LAMC1: variants seen among roughly 807,000 people sequenced by gnomAD.
LAMC1 encodes the protein laminin subunit gamma-1.
LAMC1 carries 38 observed loss-of-function variants against 173.6 expected under a neutral mutation model. That is an observed-to-expected ratio of 0.22 (90% CI 0.17 to 0.29). LAMC1 has a LOEUF of 0.29. Among genes scored for constraint, LAMC1 ranks in the 10% least tolerant of loss-of-function variants. The pLI is 1.00. For synonymous variants in LAMC1, 746 were observed against 749.1 expected (o/e 1.00, Z 0.07); for missense variants, 1,824 against 2,051.8 (o/e 0.89, Z 2.14).
At chr1:183,092,560 G>T (rs935007878) in intron 1 of LAMC1, among the ~76,000 whole-genome samples, 7 of 152,198 alleles carry the variant, frequency 4.6e-5, no homozygotes, top group African/African-American at 1.7e-4. Context: ...GGACCTTATT[G>T]TGGGCCAGAT....
intron 1 of LAMC1, among the ~76,000 whole-genome samples, chr1:183,074,290 C>T (rs1046215010): frequency 9.2e-5 from 14 of 152,116 alleles, no homozygotes; most frequent in Non-Finnish European, 1.9e-4. Flanking sequence ...GTTTTAGGGA[C>T]GTACAACTCA....
In LAMC1 at chr1:183,126,130, C is replaced by T. The variant is rs1656612114; in HGVS notation, c.2812C>T (p.His938Tyr). The T allele has an allele frequency of 6.2e-7, 1 of 1,613,444 alleles. No homozygotes were observed. The highest frequency in any genetic ancestry group is 8.5e-7 in the Non-Finnish European group (1 of 1,179,876). Residue 938 changes from histidine (H) to tyrosine (Y), a missense_variant, in exon 16 of 28, where the codon CAT becomes TAT. By Grantham distance (83) the His-to-Tyr change is moderately conservative (BLOSUM62 2). Coordinates refer to ENST00000258341, the MANE Select transcript of LAMC1 (RefSeq NM_002293.4). ...TGTGTTCATTTTCAGGTGTGACTGC[C>T]ATGCCTTGGGCTCCACCAATGGGCA... is the stretch of plus-strand genomic sequence containing the variant. ...SGQGCERCDC[H>Y]ALGSTNGQCD...
rs779377179 is a variant in LAMC1, at chr1:183,050,891, C to CAAAA, written c.418+26774_418+26777dup. On this transcript the variant is annotated intron_variant, in intron 1 of 27. Coordinates refer to ENST00000258341, the MANE Select transcript of LAMC1 (RefSeq NM_002293.4). ...GGGCAACAGGAGTGAAACTCCATCT[C>CAAAA]AAAAAAAAAAAAAAAAAAAAGAATT... 6.2e-4 allele frequency among the ~76,000 whole-genome samples: 34 copies of CAAAA among 54,698 alleles called. 1 individual carries two copies. The highest frequency in any genetic ancestry group is 3.2e-3 in the South Asian group (5 of 1,580). The allele number at this position is 54,698 out of a possible 152,430, so 35.9% of individuals were successfully genotyped here. A position where few individuals can be genotyped will look rare whatever the true frequency, so the allele number is the denominator to read the frequency against.
chr1:183,109,074 A>G (rs892172732), intron 3 of LAMC1, among the ~76,000 whole-genome samples: 1 of 152,222 alleles, frequency 6.6e-6, no homozygotes, highest in Non-Finnish European at 1.5e-5. Flanking sequence ...TGTAAACCAG[A>G]AAGATAGTTT....
rs77467473 is a variant in LAMC1 at position 183,034,642 on chromosome 1, C to T, written c.418+10508C>T. The stretch of plus-strand genomic sequence containing the variant: ...TGAAGAGTAGGGATTGAAGTCAGCC[C>T]GGAAAAGCTTCCCGGATCTTGAAGA... On this transcript the variant is annotated intron_variant, in intron 1 of 27. Coordinates refer to ENST00000258341, the MANE Select transcript of LAMC1 (RefSeq NM_002293.4). Among the ~76,000 whole-genome samples, 35 of 152,200 alleles carry T rather than the reference C, an allele frequency of 2.3e-4. No individual in the cohort carries two copies. The East Asian group carries it at 5.0e-3, about 22-fold the overall frequency.
Position 183,043,049 on chromosome 1 carries a change from A to G in LAMC1, c.418+18915A>G, listed in dbSNP as rs137952082. Reference sequence around the variant, plus strand: ...AATCAGTGCTTTTTGTGGCTTGAACATATACAGTTTTGTTGTGGAATCTTC... The same window carrying G: ...AATCAGTGCTTTTTGTGGCTTGAACGTATACAGTTTTGTTGTGGAATCTTC... On this transcript the variant is annotated intron_variant, in intron 1 of 27. Coordinates refer to ENST00000258341, the MANE Select transcript of LAMC1 (RefSeq NM_002293.4). 9.1e-4 allele frequency among the ~76,000 whole-genome samples: 138 copies of G among 152,332 alleles called. 1 individual carries two copies. Among genetic ancestry groups the G allele is most frequent in the African/African-American group, 3.1e-3 (130 of 41,572 alleles).
chr1:183,125,095 A>G (rs922637612), intron 14 of LAMC1: 1 of 601,412 alleles, frequency 1.7e-6, no homozygotes. Context: ...AACAGGTGAA[A>G]TGAATACTAA....
Position 183,134,823 on chromosome 1 carries a change from G to A in LAMC1, c.3999+14G>A. ...ACTGAACAGCAGGTTGGTTTGATTT[G>A]CAGGTCGCTTCATTTCTTGAGGCAA... On this transcript the variant is annotated intron_variant, in intron 23 of 27. Coordinates refer to ENST00000258341, the MANE Select transcript of LAMC1 (RefSeq NM_002293.4). 1.9e-6 allele frequency: 3 copies of A among 1,608,412 alleles called. No individual in the cohort carries two copies. The African/African-American group carries it at 4.0e-5, about 22-fold the overall frequency.
At chr1:183,127,160 T>G in intron 16 of LAMC1, 66 bp from the exon 17 acceptor site, 2 of 1,461,792 alleles carry the variant, frequency 1.4e-6, no homozygotes, top group Non-Finnish European at 1.9e-6. Context: ...TTGTTATCAG[T>G]CTGAATTAAG....
At chr1:183,125,987 C>A in intron 15 of LAMC1, 133 bp from the exon 16 acceptor site, 2 of 844,822 alleles carry the variant, frequency 2.4e-6, no homozygotes, top group Non-Finnish European at 3.7e-6. Context: ...CTTAACATTC[C>A]ATCTTAGTAA....
At chr1:183,133,195 G>T (rs534760196) in intron 21 of LAMC1, among the ~76,000 whole-genome samples, 2 of 152,314 alleles carry the variant, frequency 1.3e-5, no homozygotes, top group East Asian at 3.9e-4. Flanking sequence ...ACAGGCGTGA[G>T]CCACTGTGCC....
At chr1:183,121,610 A>G in intron 11 of LAMC1, 113 bp from the exon 12 acceptor site, 1 of 831,112 alleles carries the variant, frequency 1.2e-6, no homozygotes, top group Non-Finnish European at 1.9e-6. Flanking sequence ...AGTTAAGCAA[A>G]TGGCTAATTT....
chr1:183,140,166 G>C (rs1657066253), intron 26 of LAMC1, among the ~76,000 whole-genome samples: 1 of 143,596 alleles, frequency 7.0e-6, no homozygotes, highest in South Asian at 2.2e-4. Context: ...GTGAGTGTAG[G>C]CATCCTGACT....
chr1:183,096,667 A>G (rs1328326127), intron 1 of LAMC1: 1 of 152,200 alleles, frequency 6.6e-6, no homozygotes, highest in Non-Finnish European at 1.5e-5. Flanking sequence ...AGGAATTACT[A>G]TTTTATACAA....
At chr1:183,121,671 A>C in intron 11 of LAMC1, 52 bp from the exon 12 acceptor site, 1 of 1,496,044 alleles carries the variant, frequency 6.7e-7, no homozygotes, top group Non-Finnish European at 9.1e-7. Context: ...ACTTTACACA[A>C]GGTTTGGAAA....
intron 21 of LAMC1, among the ~76,000 whole-genome samples, 195 bp downstream of exon 21, chr1:183,132,732 T>C (rs933170591): frequency 6.6e-6 from 1 of 152,114 alleles, no homozygotes; most frequent in South Asian, 2.1e-4. Context: ...TTTGATTCAA[T>C]TACTGTAACT....
intron 1 of LAMC1, among the ~76,000 whole-genome samples, chr1:183,071,582 AT>A (rs997692416): frequency 2.6e-5 from 4 of 152,192 alleles, no homozygotes; most frequent in African/African-American, 9.7e-5. Context: ...GCAGTGAAAA[AT>A]TTGAGTCCCT....
intron 22 of LAMC1, among the ~76,000 whole-genome samples, chr1:183,133,854 C>G (rs1215414569): frequency 6.6e-6 from 1 of 152,122 alleles, no homozygotes; most frequent in Non-Finnish European, 1.5e-5. Context: ...GGTAAAGAAT[C>G]CTGTGATTGT....
chr1:183,095,951 T>G (rs1007075827), intron 1 of LAMC1, among the ~76,000 whole-genome samples: 3 of 152,354 alleles, frequency 2.0e-5, no homozygotes, highest in Non-Finnish European at 2.9e-5. Context: ...CAAGGGTGTT[T>G]GACATTCTAG....
Sources: allele counts gnomAD v4.1 joint callset (sites outside exome capture counted in the v4.1 genomes callset), GRCh38; gene constraint gnomAD v4.1.1; transcripts MANE v1.5; gene names NCBI Gene and HGNC (gene_info 2026-07-23, HGNC 2026-07-21).